Variants in CD2AP observed in about 807,000 individuals in gnomAD.
CD2AP encodes the protein CD2 associated protein.
In CD2AP, 46 loss-of-function variants were observed where a neutral mutation model predicts 85.1. The ratio of observed to expected loss-of-function variants is 0.54; its 90% CI spans 0.43 to 0.69. The LOEUF (loss-of-function observed/expected upper bound fraction) is 0.69. Ranked by LOEUF, CD2AP falls within the 30% of genes least tolerant of loss-of-function variation. The pLI is 0.00. For synonymous variants in CD2AP, 255 were observed against 252.9 expected (o/e 1.01, Z -0.08); for missense variants, 769 against 729.5 (o/e 1.05, Z -0.62).
intron 1 of CD2AP, among the ~76,000 whole-genome samples, chr6:47,488,124 A>G (rs1051403086): frequency 6.7e-6 from 1 of 149,782 alleles, no homozygotes; most frequent in Non-Finnish European, 1.5e-5. Flanking sequence ...ATAATCAGTG[A>G]TGTTAAGCAT....
At chr6:47,553,351 G>GTTT (rs1164649256) in intron 4 of CD2AP, among the ~76,000 whole-genome samples, 3 of 140,592 alleles carry the variant, frequency 2.1e-5, no homozygotes, top group African/African-American at 7.8e-5. Flanking sequence ...TTTAAATTTT[G>GTTT]TTTTTTTTTT....
rs370120847 is a variant in CD2AP at position 47,596,094 on chromosome 6, C to A, written c.1274+68C>A. On this transcript the variant is annotated intron_variant, in intron 12 of 17. Coordinates refer to ENST00000359314, the MANE Select transcript of CD2AP (RefSeq NM_012120.3). The stretch of plus-strand genomic sequence containing the variant: ...CCTTTGACCTTAATGGCTCTATTGC[C>A]TTTCTAAATCTCCAGGTATGTTTTT... 7.3e-5 allele frequency: 77 copies of A among 1,060,632 alleles called. No homozygotes were observed. In the African/African-American group the frequency reaches 1.1e-3, roughly 15 times the overall value. 65.7% of individuals were successfully genotyped at this position (1,060,632 alleles called of 1,614,324 possible). A position where few individuals can be genotyped will look rare whatever the true frequency, so the allele number is the denominator to read the frequency against.
intron 13 of CD2AP, among the ~76,000 whole-genome samples, chr6:47,604,646 T>C (rs1171671661): frequency 6.6e-6 from 1 of 152,064 alleles, no homozygotes; most frequent in Non-Finnish European, 1.5e-5. Context: ...TACGACATAT[T>C]TTAACATCTT....
At position 47,583,374 on chromosome 6, in the gene CD2AP, A is replaced by G. The variant is rs1310570851; in HGVS notation, c.1108+1309A>G. On this transcript the variant is annotated intron_variant, in intron 11 of 17. Coordinates refer to ENST00000359314, the MANE Select transcript of CD2AP (RefSeq NM_012120.3). ...GTCCTGTATCCACCATTGTAGTATC[A>G]TACAGAATAGCATTACTACTCTAAA... Among the ~76,000 whole-genome samples, 3 of 152,196 alleles carry G rather than the reference A, an allele frequency of 2.0e-5. No homozygotes were observed. In the East Asian group the frequency reaches 5.8e-4, roughly 29 times the overall value.
At chr6:47,539,178 A>G (rs184946739) in intron 3 of CD2AP, among the ~76,000 whole-genome samples, 16 of 152,362 alleles carry the variant, frequency 1.1e-4, no homozygotes, top group African/African-American at 2.4e-4. Flanking sequence ...GTAGGCTATA[A>G]GAGGCATTAA....
chr6:47,480,976 G>T (rs1016878140), intron 1 of CD2AP, among the ~76,000 whole-genome samples: 2 of 152,206 alleles, frequency 1.3e-5, no homozygotes, highest in Non-Finnish European at 2.9e-5. Context: ...AGACTTATTT[G>T]AAGTTTATGT....
intron 17 of CD2AP, among the ~76,000 whole-genome samples, chr6:47,613,082 C>T (rs951980989): frequency 3.3e-5 from 5 of 152,196 alleles, no homozygotes; most frequent in Non-Finnish European, 7.4e-5. Context: ...GTTCGATCCA[C>T]TTTTAATTCT....
chr6:47,599,166 CGT>C, intron 12 of CD2AP, 133 bp from the exon 13 acceptor site: 1 of 635,980 alleles, frequency 1.6e-6, no homozygotes, highest in Non-Finnish European at 2.8e-6. Context: ...GAGAGTTTTG[CGT>C]TTATGGAAAT....
rs759799770 is a variant in CD2AP at position 47,544,603 on chromosome 6, T to C, written c.320-3T>C. 25 of 1,582,250 alleles carry C rather than the reference T, an allele frequency of 1.6e-5. No individual in the cohort carries two copies. The highest frequency in any genetic ancestry group is 2.1e-5 in the Non-Finnish European group (24 of 1,151,410). On this transcript the variant is annotated splice_region_variant and splice_polypyrimidine_tract_variant and intron_variant, in intron 3 of 17. Transcript: ENST00000359314. ...TAATTTCTTATTATGTTACTTTCTT[T>C]AGAGACCAAGAAGCGTCAGTGTAAA...
intron 17 of CD2AP, among the ~76,000 whole-genome samples, chr6:47,615,870 C>G (rs545255519): frequency 3.3e-5 from 5 of 150,726 alleles, no homozygotes; most frequent in African/African-American, 1.2e-4. Flanking sequence ...AGCTCCACCT[C>G]CTGAGTTCAC....
chr6:47,562,784 A>G lies in CD2AP; in HGVS notation c.541+8018A>G. ...GCTCATGTTTGTGTGCTTGCATCCA[A>G]CTGTGATGAGCCTTTGTATGTCAAG... is the stretch of plus-strand genomic sequence containing the variant. On this transcript the variant is annotated intron_variant, in intron 5 of 17. Transcript: ENST00000359314. 3 of 1,119,952 alleles carry G rather than the reference A, an allele frequency of 2.7e-6. No individual in the cohort carries two copies. In the East Asian group the frequency reaches 7.0e-5, roughly 26 times the overall value. 69.4% of individuals were successfully genotyped at this position (1,119,952 alleles called of 1,614,324 possible).
chr6:47,587,142 G>A (rs190586048), intron 11 of CD2AP, among the ~76,000 whole-genome samples: 75 of 152,252 alleles, frequency 4.9e-4, no homozygotes, highest in African/African-American at 1.7e-3. Context: ...CCATAGTTGA[G>A]AGAGGGAGCA....
intron 2 of CD2AP, among the ~76,000 whole-genome samples, chr6:47,514,799 C>T (rs1375827655): frequency 6.6e-6 from 1 of 152,152 alleles, no homozygotes; most frequent in African/African-American, 2.4e-5. Context: ...CACCTGTAAT[C>T]CCACCCTTTT....
chr6:47,533,677 C>T lies in CD2AP; in HGVS notation c.241C>T (p.Leu81Phe), dbSNP rs751759223. Residue 81 changes from leucine to phenylalanine, a missense_variant, in exon 3 of 18, where the codon CTT (leucine) becomes TTT (phenylalanine). Leu to Phe is a conservative substitution (Grantham distance 22). Coordinates refer to ENST00000359314, the MANE Select transcript of CD2AP (RefSeq NM_012120.3). ...KRERHGNVAS[L>F]VQRISTYGLP... ...GGAAAGGCATGGGAATGTAGCAAGT[C>T]TTGTACAACGAATAAGCACCTATGG... 2 of 1,614,078 alleles carry T rather than the reference C, an allele frequency of 1.2e-6. No individual in the cohort carries two copies. The highest frequency in any genetic ancestry group is 2.2e-5 in the South Asian group (2 of 91,082).
chr6:47,560,480 T>C (rs529680876), intron 5 of CD2AP, among the ~76,000 whole-genome samples: 18 of 152,276 alleles, frequency 1.2e-4, no homozygotes, highest in Admixed American at 1.0e-3. Flanking sequence ...TTCTAGCCTT[T>C]TTCTGTTTTT....
At position 47,555,063 on chromosome 6, in the gene CD2AP, T is replaced by C. The variant is rs544481509; in HGVS notation, c.541+297T>C. 6.6e-5 allele frequency among the ~76,000 whole-genome samples: 10 copies of C among 152,336 alleles called. No individual in the cohort carries two copies. The East Asian group carries it at 1.3e-3, about 21-fold the overall frequency. The stretch of plus-strand genomic sequence containing the variant: ...TTTCTTCCTAGTAAAGATATATTTA[T>C]ATGCATTTTTGGTCTGCTGAGTTTG... On this transcript the variant is annotated intron_variant, in intron 5 of 17. Coordinates refer to ENST00000359314, the MANE Select transcript of CD2AP (RefSeq NM_012120.3).
At chr6:47,529,901 T>A (rs1165382690) in intron 2 of CD2AP, among the ~76,000 whole-genome samples, 1 of 152,226 alleles carries the variant, frequency 6.6e-6, no homozygotes, top group Non-Finnish European at 1.5e-5. Flanking sequence ...TTATCATCTT[T>A]CCCTTCCTTC....
intron 17 of CD2AP, among the ~76,000 whole-genome samples, chr6:47,618,615 GT>G (rs1012612738): frequency 2.0e-5 from 3 of 152,008 alleles, no homozygotes; most frequent in Non-Finnish European, 2.9e-5. Flanking sequence ...ATTTTTAAGC[GT>G]TTTTTGACTT....
chr6:47,514,664 A>G (rs1364679016), intron 2 of CD2AP, among the ~76,000 whole-genome samples: 1 of 152,236 alleles, frequency 6.6e-6, no homozygotes, highest in Non-Finnish European at 1.5e-5. Context: ...AAACAGGATA[A>G]ATTGTAATGC....
Sources: allele counts gnomAD v4.1 joint callset (sites outside exome capture counted in the v4.1 genomes callset), GRCh38; gene constraint gnomAD v4.1.1; transcripts MANE v1.5; gene names NCBI Gene and HGNC (gene_info 2026-07-23, HGNC 2026-07-21).